SMARCC1: variants seen among roughly 807,000 people sequenced by gnomAD.
SMARCC1 encodes SWI/SNF related BAF chromatin remodeling complex subunit C1, also known as SWI/SNF complex subunit SMARCC1.
SMARCC1 carries 43 observed loss-of-function variants against 147.4 expected under a neutral mutation model. The observed-to-expected ratio is 0.29, with a 90% confidence interval of 0.23 to 0.38. The LOEUF is 0.38. Ranked by LOEUF, SMARCC1 falls within the 10% of genes least tolerant of loss-of-function variation. The probability of loss-of-function intolerance (pLI) is 1.00; values close to 1 mark genes in which losing one functional copy is unlikely to be tolerated. For missense variants in SMARCC1, 1,119 were observed against 1,381.1 expected (o/e 0.81, Z 3.01); for synonymous variants, 495 against 484.4 (o/e 1.02, Z -0.29).
chr3:47,677,452 CT>C (rs2033588638), intron 16 of SMARCC1, among the ~76,000 whole-genome samples: 1 of 150,340 alleles, frequency 6.7e-6, no homozygotes, highest in Admixed American at 6.6e-5. Flanking sequence ...AGCTTATCCA[CT>C]CCCAACCTGA....
chr3:47,719,428 C>T (rs1189519709), intron 7 of SMARCC1, among the ~76,000 whole-genome samples: 1 of 151,916 alleles, frequency 6.6e-6, no homozygotes, highest in East Asian at 1.9e-4. Context: ...AGGCTGGACG[C>T]GGTGGCTCAC....
intron 2 of SMARCC1, among the ~76,000 whole-genome samples, chr3:47,756,111 T>TTGCA (rs2034694722): frequency 6.7e-6 from 1 of 150,200 alleles, no homozygotes; most frequent in South Asian, 2.1e-4. Flanking sequence ...GAGGCAGAGG[T>TTGCA]TGCAGGGAGC....
rs556271009 is a variant in SMARCC1 at position 47,659,959 on chromosome 3, G to T, written c.2320+1335C>A. ...AAAACTTAGAAATGTTATACATTAC[G>T]GGTAAGAACATAAAATGGTATAGCC... On this transcript the variant is annotated intron_variant, in intron 21 of 27. Transcript: ENST00000254480. Among the ~76,000 whole-genome samples, 8 of 152,106 alleles carry T rather than the reference G, an allele frequency of 5.3e-5. No homozygotes were observed. In the South Asian group the frequency reaches 8.3e-4, roughly 16 times the overall value.
At chr3:47,639,032 C>G (rs57119659) in intron 21 of SMARCC1, among the ~76,000 whole-genome samples, 2 of 152,260 alleles carry the variant, frequency 1.3e-5, no homozygotes, top group Admixed American at 6.5e-5. Context: ...GTGAATTATA[C>G]AGAAAGCAGA....
chr3:47,668,235 C>A (rs2033449053), intron 19 of SMARCC1, among the ~76,000 whole-genome samples: 1 of 151,996 alleles, frequency 6.6e-6, no homozygotes. Flanking sequence ...TTACCTCAAA[C>A]TTTAGACTTT....
chr3:47,620,387 TG>T (rs2032710263), intron 25 of SMARCC1, among the ~76,000 whole-genome samples: 1 of 151,624 alleles, frequency 6.6e-6, no homozygotes, highest in Non-Finnish European at 1.5e-5. Flanking sequence ...GGCTTGAACC[TG>T]GGAGGTGGAG....
At chr3:47,735,655 G>A (rs1047272997) in intron 5 of SMARCC1, among the ~76,000 whole-genome samples, 2 of 152,056 alleles carry the variant, frequency 1.3e-5, no homozygotes, top group Non-Finnish European at 1.5e-5. Flanking sequence ...TTCGGAGGCT[G>A]AGGCACGAGA....
intron 2 of SMARCC1, among the ~76,000 whole-genome samples, chr3:47,757,826 AATGCTCATACACTGTTTGT>A (rs1011259888): frequency 6.6e-6 from 1 of 151,756 alleles, no homozygotes; most frequent in Admixed American, 6.6e-5. Flanking sequence ...AGAAAATCAG[AATGCTCATACACTGTTTGT>A]GGGAGTATAA....
chr3:47,626,355 C>T (rs1458395644), intron 24 of SMARCC1, among the ~76,000 whole-genome samples: 1 of 151,052 alleles, frequency 6.6e-6, no homozygotes, highest in Non-Finnish European at 1.5e-5. Flanking sequence ...CCATGTTGAT[C>T]AGGCTGGTCT....
intron 16 of SMARCC1, among the ~76,000 whole-genome samples, chr3:47,677,405 T>C (rs557633362): frequency 6.3e-4 from 95 of 150,540 alleles, no homozygotes; most frequent in Non-Finnish European, 1.1e-3. Context: ...CTGGCCGTTT[T>C]TTTTTTTTTT....
intron 21 of SMARCC1, among the ~76,000 whole-genome samples, chr3:47,658,083 G>C (rs1486874669): frequency 6.6e-6 from 1 of 152,042 alleles, no homozygotes; most frequent in Non-Finnish European, 1.5e-5. Context: ...AAACAAAAAA[G>C]CTGGTTCTTT....
rs879271195 is a variant in SMARCC1, at chr3:47,713,597, A to AT, written c.792+817dup. ...GGGCACTTGACATTATGCTCAGATA[A>AT]TTTTTTTTTTTTGGTAGCTCAGGCT... On this transcript the variant is annotated intron_variant, in intron 8 of 27. Transcript: ENST00000254480. Among the ~76,000 whole-genome samples, 530 of 146,178 alleles carry AT rather than the reference A, an allele frequency of 3.6e-3. 3 individuals are homozygous for AT. The highest frequency in any genetic ancestry group is 7.3e-3 in the African/African-American group (291 of 40,090).
At chr3:47,662,714 G>C (rs538879811) in intron 19 of SMARCC1, 122 bp from the exon 20 acceptor site, 4 of 767,426 alleles carry the variant, frequency 5.2e-6, no homozygotes, top group African/African-American at 1.8e-5. Context: ...TAAATAGAAA[G>C]ATTTGATGGT....
chr3:47,652,193 C>T (rs2033198729), intron 21 of SMARCC1, among the ~76,000 whole-genome samples: 1 of 152,072 alleles, frequency 6.6e-6, no homozygotes, highest in African/African-American at 2.4e-5. Flanking sequence ...CCAGGCTGGT[C>T]TCGAAATCCT....
chr3:47,696,073 A>G (rs1242446886), intron 11 of SMARCC1, among the ~76,000 whole-genome samples: 1 of 62,172 alleles, frequency 1.6e-5, no homozygotes, highest in Non-Finnish European at 3.6e-5. Flanking sequence ...TCTCAAAAAA[A>G]AAAAGGGGGG....
chr3:47,744,343 C>A (rs2034542650), intron 3 of SMARCC1, among the ~76,000 whole-genome samples: 1 of 152,012 alleles, frequency 6.6e-6, no homozygotes, highest in South Asian at 2.1e-4. Context: ...CAGGGTTTCG[C>A]CATGATGGCC....
chr3:47,660,338 C>T (rs1209256658), intron 21 of SMARCC1, among the ~76,000 whole-genome samples: 1 of 149,570 alleles, frequency 6.7e-6, no homozygotes, highest in Non-Finnish European at 1.5e-5. Context: ...CCCAGCTACT[C>T]GGGAGGCTGA....
At chr3:47,663,260 A>G (rs1268732644) in intron 19 of SMARCC1, among the ~76,000 whole-genome samples, 1 of 141,528 alleles carries the variant, frequency 7.1e-6, no homozygotes, top group Non-Finnish European at 1.6e-5. Context: ...GGAAGGAAGG[A>G]AGGAAGGGCT....
In SMARCC1 at chr3:47,678,971, G is replaced by A. The variant is rs550283073; in HGVS notation, c.1458-660C>T. On this transcript the variant is annotated intron_variant, in intron 15 of 27. Coordinates refer to ENST00000254480, the MANE Select transcript of SMARCC1 (RefSeq NM_003074.4). ...GCAGTTCTTTAAGGGAGATCACGGC[G>A]GGGCAATAAGTAGAATCCATGAGAC... Among the ~76,000 whole-genome samples, 5 of 152,198 alleles carry A rather than the reference G, an allele frequency of 3.3e-5. No homozygotes were observed. In the East Asian group the frequency reaches 5.8e-4, roughly 18 times the overall value.
Sources: allele counts gnomAD v4.1 joint callset (sites outside exome capture counted in the v4.1 genomes callset), GRCh38; gene constraint gnomAD v4.1.1; transcripts MANE v1.5; gene names NCBI Gene and HGNC (gene_info 2026-07-23, HGNC 2026-07-21).